Variants in UNC5B observed in about 807,000 individuals in gnomAD.
The protein encoded by UNC5B is unc-5 netrin receptor B.
UNC5B carries 56 observed loss-of-function variants against 103.7 expected under a neutral mutation model. That is an observed-to-expected ratio of 0.54 (90% CI 0.44 to 0.67). The LOEUF is 0.67. Ranked by LOEUF, UNC5B falls within the 30% of genes least tolerant of loss-of-function variation. The pLI is 0.00. For synonymous variants in UNC5B, 577 were observed against 542.0 expected (o/e 1.06, Z -0.90); for missense variants, 1,194 against 1,284.5 (o/e 0.93, Z 1.08).
At chr10:71,265,303 G>A (rs1844498859) in intron 1 of UNC5B, among the ~76,000 whole-genome samples, 1 of 152,154 alleles carries the variant, frequency 6.6e-6, no homozygotes, top group Admixed American at 6.5e-5. Context: ...CAGCTGGGGT[G>A]AAGCTTCCCC....
intron 1 of UNC5B, among the ~76,000 whole-genome samples, chr10:71,224,752 C>T (rs1843527178): frequency 6.6e-6 from 1 of 152,160 alleles, no homozygotes; most frequent in African/African-American, 2.4e-5. Flanking sequence ...TCCTTTCCAC[C>T]CAGAAGGAAA....
chr10:71,217,192 C>T (rs958180761), intron 1 of UNC5B: 2 of 152,720 alleles, frequency 1.3e-5, no homozygotes, highest in Non-Finnish European at 2.9e-5. Context: ...GTCATTAAAG[C>T]TGTGAAGGCA....
intron 13 of UNC5B, among the ~76,000 whole-genome samples, chr10:71,294,686 C>T (rs1168032746): frequency 6.6e-6 from 1 of 151,946 alleles, no homozygotes; most frequent in Non-Finnish European, 1.5e-5. Context: ...AGCCAGGCTC[C>T]TAGCATATGC....
chr10:71,287,412 C>T (rs1845116540), intron 5 of UNC5B, among the ~76,000 whole-genome samples, 186 bp from the exon 6 acceptor site: 1 of 152,146 alleles, frequency 6.6e-6, no homozygotes, highest in South Asian at 2.1e-4. Context: ...CCCGGATCCC[C>T]TCTGGTGCTG....
chr10:71,271,036 G>C (rs1490781139), intron 1 of UNC5B, among the ~76,000 whole-genome samples: 1 of 152,160 alleles, frequency 6.6e-6, no homozygotes, highest in South Asian at 2.1e-4. Flanking sequence ...GTCACTGAGT[G>C]GGGGGCCAGG....
chr10:71,299,634 G>T lies in UNC5B; in HGVS notation c.*357G>T. 5.2e-6 allele frequency: 1 copy of T among 192,782 alleles called. No individual in the cohort carries two copies. Among genetic ancestry groups the T allele is most frequent in the Admixed American group, 5.7e-5 (1 of 17,422 alleles). 11.9% of individuals were successfully genotyped at this position (192,782 alleles called of 1,614,324 possible). A position where few individuals can be genotyped will look rare whatever the true frequency, so the allele number is the denominator to read the frequency against. On this transcript the variant is annotated 3_prime_UTR_variant, in exon 17 of 17. Coordinates refer to ENST00000335350, the MANE Select transcript of UNC5B (RefSeq NM_170744.5). ...CAGCCCGGCAACTTCTGGGTTCCATGGGTTTTAGTTCCGTTCTCGTTTTCT... is the reference window on the plus strand; with the variant it reads ...CAGCCCGGCAACTTCTGGGTTCCATTGGTTTTAGTTCCGTTCTCGTTTTCT...
At chr10:71,214,101 C>T (rs891909790) in intron 1 of UNC5B, among the ~76,000 whole-genome samples, 1 of 152,090 alleles carries the variant, frequency 6.6e-6, no homozygotes, top group Non-Finnish European at 1.5e-5. Context: ...CCGGGCGGCT[C>T]GGCTCCGGAG....
At chr10:71,223,895 A>G (rs1164758659) in intron 1 of UNC5B, among the ~76,000 whole-genome samples, 1 of 152,246 alleles carries the variant, frequency 6.6e-6, no homozygotes, top group Admixed American at 6.5e-5. Context: ...TCAGCCCTCT[A>G]TAGCAACTGC....
intron 16 of UNC5B, 131 bp downstream of exon 16, chr10:71,298,221 C>T: frequency 9.6e-7 from 1 of 1,046,592 alleles, no homozygotes; most frequent in Non-Finnish European, 1.4e-6. Flanking sequence ...CCATTTGTGG[C>T]AAATCAGCAA....
intron 1 of UNC5B, among the ~76,000 whole-genome samples, chr10:71,265,938 C>T (rs924089736): frequency 2.0e-5 from 3 of 152,124 alleles, no homozygotes; most frequent in Admixed American, 6.5e-5. Flanking sequence ...GAGGTGGGAA[C>T]GGTGAAGGTG....
At chr10:71,250,740 G>T (rs1028987542) in intron 1 of UNC5B, among the ~76,000 whole-genome samples, 6 of 152,226 alleles carry the variant, frequency 3.9e-5, no homozygotes, top group African/African-American at 1.4e-4. Context: ...CGCTGCAGTG[G>T]TTTCCTGAAG....
intron 8 of UNC5B, 145 bp downstream of exon 8, chr10:71,289,135 A>T (rs1339277301): frequency 9.4e-7 from 1 of 1,060,534 alleles, no homozygotes; most frequent in Non-Finnish European, 1.4e-6. Flanking sequence ...CTGACACTGC[A>T]TGTGTCTGCA....
rs1248575052 is a variant in UNC5B at position 71,267,456 on chromosome 10, T to C, written c.80-12365T>C. Among the ~76,000 whole-genome samples, 5 of 152,184 alleles carry C rather than the reference T, an allele frequency of 3.3e-5. No individual in the cohort carries two copies. In the East Asian group the frequency reaches 9.6e-4, roughly 29 times the overall value. On this transcript the variant is annotated intron_variant, in intron 1 of 16. Coordinates refer to ENST00000335350, the MANE Select transcript of UNC5B (RefSeq NM_170744.5). ...ACTGAAAGAGCTATGGAGTGATTTC[T>C]GCACTGATGGTGGGTGGGCAGGCAA...
In UNC5B at chr10:71,298,055, C is replaced by G. The variant is rs759900082; in HGVS notation, c.2637C>G (p.Asp879Glu). 1 of 1,613,128 alleles carries G rather than the reference C, an allele frequency of 6.2e-7. No individual in the cohort carries two copies. The highest frequency in any genetic ancestry group is 8.5e-7 in the Non-Finnish European group (1 of 1,179,694). Residue 879 changes from aspartate to glutamate, a missense_variant, in exon 16 of 17, where the codon GAC (aspartate) becomes GAG (glutamate). Transcript: ENST00000335350. ...SLDAPNSRGN[D>E]WRMLAQKLSM... ...ATGCCCCCAACTCACGGGGCAATGA[C>G]TGGCGGATGTTAGCACAGAAGCTCT...
At chr10:71,284,053 G>T (rs1284958536) in intron 2 of UNC5B, among the ~76,000 whole-genome samples, 1 of 152,208 alleles carries the variant, frequency 6.6e-6, no homozygotes, top group Non-Finnish European at 1.5e-5. Flanking sequence ...TCCAGCTAAT[G>T]GTGGGTGCTG....
intron 1 of UNC5B, among the ~76,000 whole-genome samples, chr10:71,228,796 C>G (rs963889928): frequency 6.6e-6 from 1 of 152,230 alleles, no homozygotes; most frequent in Non-Finnish European, 1.5e-5. Flanking sequence ...CATTGTCTCA[C>G]TCAGTCCTTG....
chr10:71,222,039 G>T (rs116656606), intron 1 of UNC5B, among the ~76,000 whole-genome samples: 1 of 152,260 alleles, frequency 6.6e-6, no homozygotes, highest in African/African-American at 2.4e-5. Flanking sequence ...CATGTATTGC[G>T]TGGAACGAAG....
intron 1 of UNC5B, among the ~76,000 whole-genome samples, chr10:71,228,539 C>A (rs60624073): frequency 0.17 from 25,945 of 152,122 alleles, 2,807 homozygotes; most frequent in African/African-American, 0.31. Context: ...ATCAAGCCCT[C>A]ACAGAAAGGT....
chr10:71,287,578 T>A lies in UNC5B; in HGVS notation c.734-20T>A. 6.3e-7 allele frequency: 1 copy of A among 1,577,650 alleles called. No individual in the cohort carries two copies. The highest frequency in any genetic ancestry group is 8.6e-7 in the Non-Finnish European group (1 of 1,161,244). The stretch of plus-strand genomic sequence containing the variant: ...GGGTTCCAGAGCCAAGCCATCCAGT[T>A]GACAGCTGCCGCCTTGCAGTGAATG... On this transcript the variant is annotated intron_variant, in intron 5 of 16. Transcript: ENST00000335350.
Sources: allele counts gnomAD v4.1 joint callset (sites outside exome capture counted in the v4.1 genomes callset), GRCh38; gene constraint gnomAD v4.1.1; transcripts MANE v1.5; gene names NCBI Gene and HGNC (gene_info 2026-07-23, HGNC 2026-07-21).